Variants in UNC13C observed in about 807,000 individuals in gnomAD.
UNC13C encodes protein unc-13 homolog C.
In UNC13C, 174 loss-of-function variants were observed where a neutral mutation model predicts 245.4. The ratio of observed to expected loss-of-function variants is 0.71; its 90% CI spans 0.63 to 0.80. UNC13C has a LOEUF of 0.80. Among genes scored for constraint, UNC13C ranks in the 30% least tolerant of loss-of-function variants. The pLI, the probability that UNC13C is intolerant of heterozygous loss-of-function variation, is 0.00. For synonymous variants in UNC13C, 992 were observed against 895.1 expected, an observed-to-expected ratio of 1.11 and a Z score of -1.93; for missense variants, 2,829 against 2,602.9, an observed-to-expected ratio of 1.09 and a Z score of -1.89.
At chr15:54,366,587 A>C (rs2039371463) in intron 17 of UNC13C, among the ~76,000 whole-genome samples, 1 of 152,152 alleles carries the variant, frequency 6.6e-6, no homozygotes, top group African/African-American at 2.4e-5. Flanking sequence ...CTAAAATGGT[A>C]AATATTATCT....
chr15:53,950,216 G>A, the UNC13C span, among the ~76,000 whole-genome samples: 1 of 152,116 alleles, frequency 6.6e-6, no homozygotes, highest in Admixed American at 6.6e-5. Flanking sequence ...CCATCACGTG[G>A]AACAAACCTT....
At chr15:54,356,451 G>A (rs752549247) in intron 17 of UNC13C, among the ~76,000 whole-genome samples, 4 of 152,082 alleles carry the variant, frequency 2.6e-5, no homozygotes, top group Admixed American at 6.5e-5. Flanking sequence ...CTTAGACTGG[G>A]TAATTAATAA....
intron 4 of UNC13C, among the ~76,000 whole-genome samples, chr15:54,212,176 T>C (rs1292494763): frequency 6.6e-6 from 1 of 152,062 alleles, no homozygotes; most frequent in Non-Finnish European, 1.5e-5. Flanking sequence ...CTTTACCTCA[T>C]TTCCCAAGGT....
At chr15:54,043,305 G>T (rs1896892704) in intron 2 of UNC13C, among the ~76,000 whole-genome samples, 1 of 152,176 alleles carries the variant, frequency 6.6e-6, no homozygotes, top group Non-Finnish European at 1.5e-5. Context: ...CATTTACACT[G>T]CAATTTCTGG....
At chr15:54,090,922 G>C (rs1899533933) in intron 2 of UNC13C, among the ~76,000 whole-genome samples, 1 of 152,130 alleles carries the variant, frequency 6.6e-6, no homozygotes, top group East Asian at 1.9e-4. Context: ...ATGATCTTAT[G>C]ACTGAGAAGG....
chr15:54,560,148 T>G (rs573569925), intron 29 of UNC13C, among the ~76,000 whole-genome samples: 2 of 152,138 alleles, frequency 1.3e-5, no homozygotes, highest in African/African-American at 4.8e-5. Context: ...ATGAGCTGTC[T>G]GCCTGGATTT....
the UNC13C span, among the ~76,000 whole-genome samples, chr15:53,888,266 T>A: frequency 1.3e-5 from 2 of 152,230 alleles, no homozygotes; most frequent in African/African-American, 2.4e-5. Context: ...TGAGATGGTA[T>A]CTCATTGTTG....
At chr15:53,966,154 T>A in the UNC13C span, among the ~76,000 whole-genome samples, 1 of 152,218 alleles carries the variant, frequency 6.6e-6, no homozygotes, top group South Asian at 2.1e-4. Flanking sequence ...CTGATCATAT[T>A]CATGTGGCAT....
chr15:54,551,928 T>TA (rs1302293655), intron 28 of UNC13C, among the ~76,000 whole-genome samples: 24 of 151,436 alleles, frequency 1.6e-4, no homozygotes, highest in East Asian at 3.9e-4. Flanking sequence ...CACTCCCATT[T>TA]AAAAAAAATG....
intron 24 of UNC13C, among the ~76,000 whole-genome samples, chr15:54,520,260 T>A (rs928645258): frequency 6.6e-6 from 1 of 152,086 alleles, no homozygotes; most frequent in Non-Finnish European, 1.5e-5. Flanking sequence ...TGGAAGTAAA[T>A]ATGGAGGGAA....
chr15:54,193,785 C>A (rs1185165987), intron 4 of UNC13C, among the ~76,000 whole-genome samples: 1 of 152,192 alleles, frequency 6.6e-6, no homozygotes, highest in Non-Finnish European at 1.5e-5. Flanking sequence ...TTCCCTGTTA[C>A]CTGCATAGCA....
At chr15:54,357,314 A>G (rs1294146055) in intron 17 of UNC13C, among the ~76,000 whole-genome samples, 2 of 152,084 alleles carry the variant, frequency 1.3e-5, no homozygotes, top group Non-Finnish European at 2.9e-5. Context: ...GCAGAATCAA[A>G]TCAACAAATG....
chr15:54,630,277 T>G (rs1322953322), downstream of UNC13C: 3 of 152,218 alleles, frequency 2.0e-5, no homozygotes, highest in Non-Finnish European at 4.4e-5. Flanking sequence ...ATGTCCCCAC[T>G]ACAACCTGCG....
At chr15:54,216,315 C>T (rs1189386672) in intron 4 of UNC13C, among the ~76,000 whole-genome samples, 1 of 151,876 alleles carries the variant, frequency 6.6e-6, no homozygotes, top group Non-Finnish European at 1.5e-5. Context: ...TTTTAGGTTG[C>T]TTCAATTCTA....
At chr15:53,961,645 A>C in the UNC13C span, among the ~76,000 whole-genome samples, 1 of 152,226 alleles carries the variant, frequency 6.6e-6, no homozygotes, top group African/African-American at 2.4e-5. Context: ...TGCTGAGAGC[A>C]TGTTAAATTG....
the UNC13C span, among the ~76,000 whole-genome samples, chr15:53,927,627 G>A: frequency 0.012 from 1,864 of 152,274 alleles, 34 homozygotes; most frequent in African/African-American, 0.043. Flanking sequence ...GCCATGTACA[G>A]AACACAAGTG....
At chr15:54,301,491 A>G (rs919057496) in intron 13 of UNC13C, among the ~76,000 whole-genome samples, 7 of 152,002 alleles carry the variant, frequency 4.6e-5, no homozygotes, top group Admixed American at 1.3e-4. Flanking sequence ...CCCTGTGTCC[A>G]TGTGTTCTCA....
intron 24 of UNC13C, among the ~76,000 whole-genome samples, chr15:54,521,424 C>T (rs1216190397): frequency 6.6e-6 from 1 of 152,114 alleles, no homozygotes; most frequent in Non-Finnish European, 1.5e-5. Context: ...TTCTTCCATG[C>T]AAAGTCTATT....
chr15:54,139,105 A>T (rs904063797), intron 2 of UNC13C, among the ~76,000 whole-genome samples: 3 of 151,296 alleles, frequency 2.0e-5, no homozygotes, highest in Admixed American at 6.6e-5. Context: ...GATTACAAGC[A>T]CGCACCACCA....
Sources: allele counts gnomAD v4.1 joint callset (sites outside exome capture counted in the v4.1 genomes callset), GRCh38; gene constraint gnomAD v4.1.1; transcripts MANE v1.5; gene names NCBI Gene and HGNC (gene_info 2026-07-23, HGNC 2026-07-21).